Variants in TRPC3 observed in about 807,000 individuals in gnomAD.
The protein encoded by TRPC3 is transient receptor potential cation channel subfamily C member 3.
In TRPC3, 54 loss-of-function variants were observed where a neutral mutation model predicts 90.9. The ratio of observed to expected loss-of-function variants is 0.59; its 90% CI spans 0.48 to 0.75. TRPC3 has a LOEUF of 0.75. TRPC3 is among the 30% of genes least tolerant of loss of function. The probability of loss-of-function intolerance (pLI) is 0.00; values close to 1 mark genes in which losing one functional copy is unlikely to be tolerated. For missense variants in TRPC3, 918 were observed against 1,194.5 expected (o/e 0.77, Z 3.41); for synonymous variants, 424 against 450.9 (o/e 0.94, Z 0.75).
At chr4:121,894,555 GTTTTT>G (rs374034360) in intron 10 of TRPC3, among the ~76,000 whole-genome samples, 4 of 63,370 alleles carry the variant, frequency 6.3e-5, no homozygotes, top group Admixed American at 2.6e-4. Context: ...TACACATTCT[GTTTTT>G]TTTTTTTTTT....
At position 121,879,163 on chromosome 4, in the gene TRPC3, G is replaced by T. The variant is rs1727854962; in HGVS notation, c.*573C>A. On this transcript the variant is annotated 3_prime_UTR_variant, in exon 12 of 12. Coordinates refer to ENST00000379645, the MANE Select transcript of TRPC3 (RefSeq NM_001130698.2). ...GGGCTCAGTGGTTCTAGGATTATCA[G>T]TGACACCTAAAATTCTAAGAATGTC... 6.7e-6 allele frequency: 1 copy of T among 149,796 alleles called. No homozygotes were observed. The highest frequency in any genetic ancestry group is 1.5e-5 in the Non-Finnish European group (1 of 67,800). The allele number at this position is 149,796 out of a possible 1,614,324, so 9.3% of individuals were successfully genotyped here. A position where few individuals can be genotyped will look rare whatever the true frequency, so the allele number is the denominator to read the frequency against.
intron 6 of TRPC3, among the ~76,000 whole-genome samples, chr4:121,909,071 A>G (rs111870268): frequency 8.5e-4 from 129 of 152,264 alleles, no homozygotes; most frequent in African/African-American, 3.0e-3. Context: ...TCAAATATAC[A>G]TAAATAAATT....
At chr4:121,939,418 C>T (rs1457709480) in intron 1 of TRPC3, among the ~76,000 whole-genome samples, 2 of 152,174 alleles carry the variant, frequency 1.3e-5, no homozygotes, top group Non-Finnish European at 2.9e-5. Context: ...TCATAAAGTG[C>T]TCTCATTATG....
intron 7 of TRPC3, among the ~76,000 whole-genome samples, chr4:121,905,751 A>G (rs955059977): frequency 1.3e-5 from 2 of 152,126 alleles, no homozygotes; most frequent in Admixed American, 1.3e-4. Flanking sequence ...ATTCACTCAT[A>G]AAACAAATAT....
intron 3 of TRPC3, among the ~76,000 whole-genome samples, chr4:121,920,515 C>T (rs1729465224): frequency 6.6e-6 from 1 of 151,786 alleles, no homozygotes; most frequent in South Asian, 2.1e-4. Context: ...CAGAGTGAGA[C>T]TCCATTTCAA....
In TRPC3 at chr4:121,925,017, C is replaced by T. The variant is rs770570485; in HGVS notation, c.1176+1G>A. The T allele has an allele frequency of 6.2e-7, 1 of 1,610,956 alleles. No homozygotes were observed. On this transcript the variant is annotated splice_donor_variant, in intron 3 of 11. Coordinates refer to ENST00000379645, the MANE Select transcript of TRPC3 (RefSeq NM_001130698.2). LOFTEE classifies it high-confidence loss of function. ...CACTAGATGAAAGTAGGCCCACTCACCTTTTTGACTTCATACTTAATGGCA... is the reference window on the plus strand; with the variant it reads ...CACTAGATGAAAGTAGGCCCACTCATCTTTTTGACTTCATACTTAATGGCA...
Position 121,930,260 on chromosome 4 carries a change from A to C in TRPC3, c.987+2011T>G, listed in dbSNP as rs1175300649. Among the ~76,000 whole-genome samples, 3 of 152,194 alleles carry C rather than the reference A, an allele frequency of 2.0e-5. 1 individual carries two copies. Among genetic ancestry groups the C allele is most frequent in the Non-Finnish European group, 2.9e-5 (2 of 68,024 alleles). ...CTCAGAGAGGGCTATCTTGCTACAC[A>C]AGCACTTTCCATATAATCTAGAAAA... On this transcript the variant is annotated intron_variant, in intron 2 of 11. Coordinates refer to ENST00000379645, the MANE Select transcript of TRPC3 (RefSeq NM_001130698.2).
At chr4:121,946,309 A>G (rs1198569760) in intron 1 of TRPC3, among the ~76,000 whole-genome samples, 1 of 152,144 alleles carries the variant, frequency 6.6e-6, no homozygotes, top group East Asian at 1.9e-4. Flanking sequence ...AGCGGGGGGA[A>G]AAAAAGACCT....
rs372307317 is a variant in TRPC3 at position 121,951,171 on chromosome 4, G to C, written c.215+295C>G. On this transcript the variant is annotated intron_variant, in intron 1 of 11. Coordinates refer to ENST00000379645, the MANE Select transcript of TRPC3 (RefSeq NM_001130698.2). This position sits in a 1 kb window ranked among gnomAD's most constrained non-coding sequence, Gnocchi z 4.4. ...AATACAGGGAGTGGCTGCTCGCCAGGATGCTTGTCTGAAGTCAGTGTGCCC... is the reference window on the plus strand; with the variant it reads ...AATACAGGGAGTGGCTGCTCGCCAGCATGCTTGTCTGAAGTCAGTGTGCCC... Among the ~76,000 whole-genome samples the C allele has an allele frequency of 3.3e-5, 5 of 152,308 alleles. No individual in the cohort carries two copies. The South Asian group carries it at 1.0e-3, about 32-fold the overall frequency.
Position 121,890,409 on chromosome 4 carries a change from T to C in TRPC3, c.2548-7980A>G, listed in dbSNP as rs1212409530. On this transcript the variant is annotated intron_variant, in intron 10 of 11. Coordinates refer to ENST00000379645, the MANE Select transcript of TRPC3 (RefSeq NM_001130698.2). ...GATCCTTACACAACGTATACATGTA[T>C]TGAAATATCACACTGTATGCCATAA... Among the ~76,000 whole-genome samples the C allele has an allele frequency of 2.6e-5, 4 of 152,186 alleles. No homozygotes were observed. In the South Asian group the frequency reaches 8.3e-4, roughly 32 times the overall value.
intron 2 of TRPC3, among the ~76,000 whole-genome samples, chr4:121,929,144 C>T (rs909573248): frequency 1.3e-5 from 2 of 152,268 alleles, no homozygotes; most frequent in South Asian, 2.1e-4. Flanking sequence ...ATAATACCTA[C>T]GACTGGGACT....
In TRPC3 at chr4:121,932,157, T is replaced by C; in HGVS notation, c.987+114A>G. 1 of 1,491,722 alleles carries C rather than the reference T, an allele frequency of 6.7e-7. No individual in the cohort carries two copies. The highest frequency in any genetic ancestry group is 9.0e-7 in the Non-Finnish European group (1 of 1,112,556). 92.4% of individuals were successfully genotyped at this position (1,491,722 alleles called of 1,614,324 possible). On this transcript the variant is annotated intron_variant, in intron 2 of 11. Transcript: ENST00000379645. The surrounding 1 kb of genome is among the most constrained non-coding windows in gnomAD (Gnocchi z 7.7). ...AATGACGTTCTCAGTCCCTCGTGAT[T>C]TCACATTCACTGGGCAAAACCGAAT...
intron 2 of TRPC3, among the ~76,000 whole-genome samples, chr4:121,926,955 A>C (rs993168660): frequency 6.6e-6 from 1 of 152,174 alleles, no homozygotes; most frequent in Non-Finnish European, 1.5e-5. Flanking sequence ...CCTTCAGATG[A>C]TTCTGATACA....
chr4:121,912,417 G>A (rs766577553), intron 4 of TRPC3, among the ~76,000 whole-genome samples: 20 of 152,062 alleles, frequency 1.3e-4, no homozygotes, highest in Non-Finnish European at 2.6e-4. Context: ...GCAAAGTCTG[G>A]ATTTTAGGGT....
rs1729235896 is a variant in TRPC3, at chr4:121,914,685, A to C, written c.1341+95T>G. On this transcript the variant is annotated intron_variant, in intron 4 of 11. Coordinates refer to ENST00000379645, the MANE Select transcript of TRPC3 (RefSeq NM_001130698.2). ...TGAATCAATTAACATTCAGGGTAAA[A>C]CTGATAAGATTCTTAAGCATGAAGC... 2.3e-6 allele frequency: 3 copies of C among 1,288,858 alleles called. No individual in the cohort carries two copies. In the East Asian group the frequency reaches 7.1e-5, roughly 30 times the overall value. 79.8% of individuals were successfully genotyped at this position (1,288,858 alleles called of 1,614,324 possible).
intron 1 of TRPC3, among the ~76,000 whole-genome samples, chr4:121,945,367 G>T (rs1232388301): frequency 1.3e-5 from 2 of 152,128 alleles, no homozygotes; most frequent in Non-Finnish European, 2.9e-5. Context: ...TAAACAAGGA[G>T]AACAAGGAAT....
intron 1 of TRPC3, among the ~76,000 whole-genome samples, chr4:121,941,745 G>A (rs1388932341): frequency 6.6e-6 from 1 of 152,220 alleles, no homozygotes; most frequent in East Asian, 1.9e-4. Flanking sequence ...TTATGTGTAT[G>A]TGGTTGGAAG....
At chr4:121,914,538 G>C (rs550749515) in intron 4 of TRPC3, among the ~76,000 whole-genome samples, 8 of 152,316 alleles carry the variant, frequency 5.3e-5, no homozygotes, top group African/African-American at 1.7e-4. Context: ...CTACCATGAG[G>C]ATTTTATCTT....
rs1163932789 is a variant in TRPC3, at chr4:121,875,889, A to ATT, written c.*3845_*3846dup. Among the ~76,000 whole-genome samples, 152 of 75,126 alleles carry ATT rather than the reference A, an allele frequency of 2.0e-3. 3 individuals are homozygous for ATT. The highest frequency in any genetic ancestry group is 2.2e-3 in the Non-Finnish European group (89 of 39,984). The allele number at this position is 75,126 out of a possible 152,430, so 49.3% of individuals were successfully genotyped here. A position where few individuals can be genotyped will look rare whatever the true frequency, so the allele number is the denominator to read the frequency against. ...ACAAAGTTATAAATACCCATTTTAG[A>ATT]TTTTTTTTTTTTTTTTTTTTTTTTT... is the stretch of plus-strand genomic sequence containing the variant. On this transcript the variant is annotated 3_prime_UTR_variant, in exon 12 of 12. Transcript: ENST00000379645.
Sources: gnomAD v4.1 joint callset for allele counts (sites outside exome capture counted in the v4.1 genomes callset) on GRCh38, gnomAD v4.1.1 for gene constraint, Gnocchi (gnomAD v3.1) non-coding constraint, MANE v1.5 for transcripts, NCBI Gene and HGNC (gene_info 2026-07-23, HGNC 2026-07-21) for gene names.